The following ZNF383 variants were observed in gnomAD, a reference collection of about 807,000 sequenced individuals.
The protein encoded by ZNF383 is zinc finger protein 383.
ZNF383 carries 32 observed loss-of-function variants against 44.2 expected under a neutral mutation model. The ratio of observed to expected loss-of-function variants is 0.72; its 90% CI spans 0.55 to 0.97. ZNF383 has a LOEUF of 0.97. ZNF383 is among the 50% of genes least tolerant of loss of function. The pLI, the probability that ZNF383 is intolerant of heterozygous loss-of-function variation, is 0.00. For synonymous variants in ZNF383, 155 were observed against 186.2 expected (o/e 0.83, Z 1.36); for missense variants, 487 against 562.5 (o/e 0.87, Z 1.36).
At chr19:37,231,299 G>A (rs189822253) in intron 3 of ZNF383, among the ~76,000 whole-genome samples, 84 of 152,202 alleles carry the variant, frequency 5.5e-4, no homozygotes, top group Non-Finnish European at 9.6e-4. Flanking sequence ...AGAGGCAGGC[G>A]GATCACCTGA....
chr19:37,228,493 G>A (rs1973293573), intron 2 of ZNF383, among the ~76,000 whole-genome samples: 1 of 151,758 alleles, frequency 6.6e-6, no homozygotes, highest in Non-Finnish European at 1.5e-5. Context: ...TACTAAAACA[G>A]CTTGTGCCCT....
rs1972852571 is a variant in ZNF383 at position 37,220,230 on chromosome 19, TTTTC to T, written c.-168+1960_-168+1963del. Among the ~76,000 whole-genome samples the T allele has an allele frequency of 2.0e-5, 3 of 152,316 alleles. No individual in the cohort carries two copies. The South Asian group carries it at 6.2e-4, about 32-fold the overall frequency. ...GGTTCTTATATTTGGTTTTCTTTTC[TTTTC>T]TTTTTTTTTCTTGAGACGGAGTCTC... On this transcript the variant is annotated intron_variant, in intron 1 of 5. Coordinates refer to ENST00000684119, the MANE Select transcript of ZNF383 (RefSeq NM_001387601.1).
At position 37,248,438 on chromosome 19, in the gene ZNF383, T is replaced by C. The variant is rs912749746; in HGVS notation, c.*4774T>C. 9 of 152,210 alleles carry C rather than the reference T, an allele frequency of 5.9e-5. No individual in the cohort carries two copies. Among genetic ancestry groups the C allele is most frequent in the Non-Finnish European group, 8.8e-5 (6 of 68,044 alleles). The allele number at this position is 152,210 out of a possible 1,614,324, so 9.4% of individuals were successfully genotyped here. A position where few individuals can be genotyped will look rare whatever the true frequency, so the allele number is the denominator to read the frequency against. The stretch of plus-strand genomic sequence containing the variant: ...AAATAAATATTTGTCACATTCTGAA[T>C]TTAGGAAAAAACAATTCTGATAAAT... On this transcript the variant is annotated 3_prime_UTR_variant, in exon 6 of 6. Coordinates refer to ENST00000684119, the MANE Select transcript of ZNF383 (RefSeq NM_001387601.1).
intron 1 of ZNF383, among the ~76,000 whole-genome samples, chr19:37,223,525 C>T (rs1973022465): frequency 6.6e-6 from 1 of 151,626 alleles, no homozygotes; most frequent in South Asian, 2.1e-4. Flanking sequence ...TAGCAAGACC[C>T]CATTTCTAAA....
intron 2 of ZNF383, chr19:37,227,676 C>A: frequency 6.6e-6 from 1 of 152,404 alleles, no homozygotes; most frequent in South Asian, 1.9e-4. Flanking sequence ...AATGCCTGGT[C>A]GCGCTGTTAT....
rs546713699 is a variant in ZNF383 at position 37,223,080 on chromosome 19, AAAG to A, written c.-167-1734_-167-1732del. 5.9e-5 allele frequency among the ~76,000 whole-genome samples: 9 copies of A among 152,272 alleles called. No homozygotes were observed. The South Asian group carries it at 1.9e-3, about 32-fold the overall frequency. On this transcript the variant is annotated intron_variant, in intron 1 of 5. Coordinates refer to ENST00000684119, the MANE Select transcript of ZNF383 (RefSeq NM_001387601.1). ...GCTTCAAATATATTTGACATAACTA[AAAG>A]AAGTAGTAGATAAATCACAATCTTA...
intron 5 of ZNF383, among the ~76,000 whole-genome samples, chr19:37,241,478 C>T (rs1398095839): frequency 2.6e-5 from 4 of 152,196 alleles, no homozygotes; most frequent in Non-Finnish European, 5.9e-5. Flanking sequence ...GTTTGTCACT[C>T]TCCTATCACA....
intron 2 of ZNF383, chr19:37,226,477 G>A (rs1286282679): frequency 6.6e-6 from 1 of 152,072 alleles, no homozygotes; most frequent in African/African-American, 2.4e-5. Context: ...GCTCTAAAAG[G>A]CCTCTGTGCC....
intron 5 of ZNF383, among the ~76,000 whole-genome samples, chr19:37,236,573 A>T (rs7258181): frequency 0.055 from 7,395 of 134,402 alleles, 574 homozygotes; most frequent in African/African-American, 0.18. Flanking sequence ...CTTCTTCTGC[A>T]TTTTTTTTTT....
At chr19:37,232,376 T>G (rs1321070967) in intron 3 of ZNF383, among the ~76,000 whole-genome samples, 1 of 152,126 alleles carries the variant, frequency 6.6e-6, no homozygotes, top group Non-Finnish European at 1.5e-5. Flanking sequence ...CCAAAAATGT[T>G]TTTTTCACGT....
intron 1 of ZNF383, among the ~76,000 whole-genome samples, chr19:37,221,914 C>T (rs1340974368): frequency 6.7e-6 from 1 of 150,294 alleles, no homozygotes; most frequent in Non-Finnish European, 1.5e-5. Context: ...CAAGATTGTG[C>T]CACCGCACTC....
chr19:37,218,942 T>C (rs977887107), intron 1 of ZNF383, among the ~76,000 whole-genome samples: 1 of 152,134 alleles, frequency 6.6e-6, no homozygotes, highest in African/African-American at 2.4e-5. Flanking sequence ...GTATTGTGAC[T>C]ATCTGTAGCA....
chr19:37,232,425 C>T (rs1973543909), intron 3 of ZNF383, among the ~76,000 whole-genome samples: 2 of 152,074 alleles, frequency 1.3e-5, no homozygotes, highest in Admixed American at 6.6e-5. Flanking sequence ...AGAATTACCT[C>T]ATCTTATTTT....
intron 2 of ZNF383, among the ~76,000 whole-genome samples, chr19:37,229,514 G>A (rs1287245754): frequency 5.6e-5 from 8 of 142,750 alleles, no homozygotes; most frequent in African/African-American, 1.3e-4. Context: ...GTTGGAGTGC[G>A]ATGGCACAAT....
intron 2 of ZNF383, among the ~76,000 whole-genome samples, chr19:37,225,710 G>A (rs139168643): frequency 2.2e-4 from 34 of 152,018 alleles, no homozygotes; most frequent in Middle Eastern, 3.4e-3. Flanking sequence ...AAGTAGTAAC[G>A]GGATACAATA....
intron 1 of ZNF383, among the ~76,000 whole-genome samples, chr19:37,219,059 T>C (rs569366182): frequency 4.0e-4 from 61 of 152,190 alleles, no homozygotes; most frequent in African/African-American, 1.4e-3. Context: ...TATAGTGTTA[T>C]TGTTTGGGTG....
chr19:37,230,630 C>G (rs1052160792), intron 3 of ZNF383, among the ~76,000 whole-genome samples, 168 bp downstream of exon 3: 1 of 152,126 alleles, frequency 6.6e-6, no homozygotes, highest in African/African-American at 2.4e-5. Flanking sequence ...TCTAAGTATC[C>G]CTTTTATTTT....
chr19:37,221,329 TC>T (rs1340296388), intron 1 of ZNF383, among the ~76,000 whole-genome samples: 1 of 152,154 alleles, frequency 6.6e-6, no homozygotes, highest in Non-Finnish European at 1.5e-5. Context: ...ATGCCTGTAA[TC>T]CCAGCACTTT....
intron 2 of ZNF383, among the ~76,000 whole-genome samples, chr19:37,228,939 A>C (rs2145493663): frequency 6.6e-6 from 1 of 152,220 alleles, no homozygotes; most frequent in Non-Finnish European, 1.5e-5. Flanking sequence ...TTATGGACTT[A>C]GAGCATTTCA....
Sources: allele counts gnomAD v4.1 joint callset (sites outside exome capture counted in the v4.1 genomes callset), GRCh38; gene constraint gnomAD v4.1.1; transcripts MANE v1.5; gene names NCBI Gene and HGNC (gene_info 2026-07-23, HGNC 2026-07-21).